YARS1: variants seen among roughly 807,000 people sequenced by gnomAD.
The protein encoded by YARS1 is tyrosyl-tRNA synthetase 1.
A neutral mutation model predicts 62.2 loss-of-function variants in YARS1; 36 were observed. The ratio of observed to expected loss-of-function variants is 0.58; its 90% confidence interval spans 0.44 to 0.76. The LOEUF (loss-of-function observed/expected upper bound fraction) is 0.76. Ranked by LOEUF, YARS1 falls within the 30% of genes least tolerant of loss-of-function variation. The pLI is 0.00. For synonymous variants in YARS1, 234 were observed against 244.9 expected (o/e 0.96, Z 0.42); for missense variants, 524 against 639.8 (o/e 0.82, Z 1.95).
At chr1:32,810,147 A>G (rs556186564) in intron 3 of YARS1, among the ~76,000 whole-genome samples, 106 of 152,286 alleles carry the variant, frequency 7.0e-4, no homozygotes, top group African/African-American at 2.4e-3. Flanking sequence ...TAGGACACGA[A>G]ATATCTATGC....
At chr1:32,810,795 T>G in intron 2 of YARS1, 29 bp from the exon 3 acceptor site, 1 of 1,614,164 alleles carries the variant, frequency 6.2e-7, no homozygotes, top group Non-Finnish European at 8.5e-7. Context: ...GCCACCAAAA[T>G]GTGAATTTGT....
intron 4 of YARS1, among the ~76,000 whole-genome samples, chr1:32,801,703 G>A (rs1248289278): frequency 1.3e-5 from 2 of 152,174 alleles, no homozygotes; most frequent in Admixed American, 6.5e-5. Flanking sequence ...CAATATTGGA[G>A]TCCATCCTCT....
chr1:32,817,134 C>G, intron 1 of YARS1, 54 bp downstream of exon 1: 1 of 1,609,448 alleles, frequency 6.2e-7, no homozygotes, highest in Non-Finnish European at 8.5e-7. Flanking sequence ...CTCAAAATCA[C>G]TGAACCTCGG....
chr1:32,815,710 G>A (rs895560901), intron 1 of YARS1, among the ~76,000 whole-genome samples: 1 of 152,228 alleles, frequency 6.6e-6, no homozygotes, highest in Non-Finnish European at 1.5e-5. Flanking sequence ...GAAATGCCCA[G>A]AATACGCAAA....
intron 12 of YARS1, among the ~76,000 whole-genome samples, chr1:32,778,609 G>A (rs1317695954): frequency 2.0e-5 from 3 of 150,604 alleles, no homozygotes; most frequent in Non-Finnish European, 3.0e-5. Flanking sequence ...GGGTTTTACT[G>A]TGTTAGCCAG....
chr1:32,792,295 C>G (rs1653434637), intron 5 of YARS1, among the ~76,000 whole-genome samples: 1 of 152,146 alleles, frequency 6.6e-6, no homozygotes. Context: ...AGGACCACAC[C>G]ACAGGAGTAA....
intron 8 of YARS1, chr1:32,782,777 T>C (rs1653102149): frequency 1.8e-6 from 1 of 553,680 alleles, no homozygotes; most frequent in Non-Finnish European, 3.2e-6. Context: ...CTGAATGTAT[T>C]TGTTAGTCTA....
At chr1:32,817,139 C>A (rs1638768133) in intron 1 of YARS1, 49 bp downstream of exon 1, 3 of 1,610,722 alleles carry the variant, frequency 1.9e-6, no homozygotes, top group South Asian at 1.1e-5. Flanking sequence ...AATCACTGAA[C>A]CTCGGGCTCC....
At chr1:32,801,450 C>A (rs1213554880) in intron 4 of YARS1, among the ~76,000 whole-genome samples, 5 of 152,156 alleles carry the variant, frequency 3.3e-5, no homozygotes, top group Non-Finnish European at 7.4e-5. Flanking sequence ...GCTAAAAATG[C>A]TAACGATCAT....
At chr1:32,782,772 T>G in intron 8 of YARS1, 1 of 567,606 alleles carries the variant, frequency 1.8e-6, no homozygotes. Context: ...AGGAGCTGAA[T>G]GTATTTGTTA....
intron 4 of YARS1, among the ~76,000 whole-genome samples, chr1:32,800,591 C>CA (rs1553124817): frequency 6.8e-6 from 1 of 146,826 alleles, no homozygotes; most frequent in African/African-American, 2.5e-5. Context: ...TTGTACTTTT[C>CA]TTTTTTTTTT....
intron 12 of YARS1, among the ~76,000 whole-genome samples, chr1:32,777,461 A>C (rs1463637445): frequency 6.6e-6 from 1 of 152,112 alleles, no homozygotes; most frequent in Admixed American, 6.5e-5. Context: ...AAATACAAAA[A>C]TCAGCTGGAT....
chr1:32,809,586 GA>G (rs1638536420), intron 3 of YARS1, among the ~76,000 whole-genome samples: 1 of 152,076 alleles, frequency 6.6e-6, no homozygotes, highest in Non-Finnish European at 1.5e-5. Flanking sequence ...GAATGGTAAA[GA>G]AAATTATATT....
At chr1:32,791,306 C>T in intron 5 of YARS1, 52 bp from the exon 6 acceptor site, 1 of 1,457,620 alleles carries the variant, frequency 6.9e-7, no homozygotes, top group Non-Finnish European at 9.6e-7. Flanking sequence ...AGTTCCTCCT[C>T]AGTGCCCTGA....
Position 32,817,318 on chromosome 1 carries a change from G to A in YARS1, c.-74C>T. On this transcript the variant is annotated 5_prime_UTR_variant, in exon 1 of 13. Transcript: ENST00000373477. The stretch of plus-strand genomic sequence containing the variant: ...TCCTGGGTCACCGTCGCCGCCGCGT[G>A]CCGGGAACTGTCACGCGAGTCCAGC... 1.3e-6 allele frequency: 2 copies of A among 1,584,588 alleles called. No individual in the cohort carries two copies. Among genetic ancestry groups the A allele is most frequent in the Non-Finnish European group, 1.7e-6 (2 of 1,158,352 alleles).
Position 32,776,211 on chromosome 1 carries a change from G to C in YARS1, c.1477-120C>G. On this transcript the variant is annotated intron_variant, in intron 12 of 12. Coordinates refer to ENST00000373477, the MANE Select transcript of YARS1 (RefSeq NM_003680.4). This position sits in a 1 kb window ranked among gnomAD's most constrained non-coding sequence, Gnocchi z 4.0. ...TGCCCAGGCTGGAGTGCAATGGCGT[G>C]ATCTTGGCTCACCGCAACCTCTGCC... 1.2e-6 allele frequency: 1 copy of C among 846,302 alleles called. No homozygotes were observed. 52.4% of individuals were successfully genotyped at this position (846,302 alleles called of 1,614,324 possible).
At chr1:32,807,165 T>C (rs1638482404) in intron 3 of YARS1, among the ~76,000 whole-genome samples, 1 of 152,130 alleles carries the variant, frequency 6.6e-6, no homozygotes, top group South Asian at 2.1e-4. Context: ...TTCTCACCAC[T>C]CCTGCATGTC....
intron 1 of YARS1, among the ~76,000 whole-genome samples, chr1:32,815,123 C>T (rs754729936): frequency 6.6e-5 from 10 of 152,094 alleles, no homozygotes; most frequent in Non-Finnish European, 8.8e-5. Flanking sequence ...CCGAATTTGG[C>T]GGATAACTTG....
At chr1:32,782,612 G>A in intron 8 of YARS1, 73 bp from the exon 9 acceptor site, 1 of 1,600,422 alleles carries the variant, frequency 6.2e-7, no homozygotes, top group Non-Finnish European at 8.5e-7. Flanking sequence ...CAAAAAAGTA[G>A]GATCAAGGGA....
Sources: gnomAD v4.1 joint callset for allele counts (sites outside exome capture counted in the v4.1 genomes callset) on GRCh38, gnomAD v4.1.1 for gene constraint, Gnocchi (gnomAD v3.1) non-coding constraint, MANE v1.5 for transcripts, NCBI Gene and HGNC (gene_info 2026-07-23, HGNC 2026-07-21) for gene names.